Variants in PTPRT observed in about 807,000 individuals in gnomAD.
PTPRT encodes protein tyrosine phosphatase receptor type T.
In PTPRT, 56 loss-of-function variants were observed where a neutral mutation model predicts 176.8. That is an observed-to-expected ratio of 0.32 (90% confidence interval 0.26 to 0.40). PTPRT has a LOEUF of 0.40. Ranked by LOEUF, PTPRT falls within the 10% of genes least tolerant of loss-of-function variation. PTPRT has a pLI of 1.00. For synonymous variants in PTPRT, 783 were observed against 739.0 expected (o/e 1.06, Z -0.96); for missense variants, 1,540 against 1,908.2 (o/e 0.81, Z 3.60).
intron 1 of PTPRT, among the ~76,000 whole-genome samples, chr20:43,045,817 A>G (rs1337305302): frequency 1.3e-5 from 2 of 152,018 alleles, no homozygotes; most frequent in Non-Finnish European, 1.5e-5. Flanking sequence ...CACGCATAAG[A>G]ATACAAATAA....
chr20:42,336,855 A>G (rs1447380386), intron 11 of PTPRT, among the ~76,000 whole-genome samples: 1 of 152,222 alleles, frequency 6.6e-6, no homozygotes, highest in East Asian at 1.9e-4. Flanking sequence ...ACACACACAT[A>G]CAAAGTCCCT....
At chr20:42,282,631 G>A (rs1290398727) in intron 12 of PTPRT, 106 bp from the exon 13 acceptor site, 9 of 827,016 alleles carry the variant, frequency 1.1e-5, no homozygotes, top group East Asian at 3.0e-5. Context: ...TCATGCATAT[G>A]TATTTTTAAT....
At chr20:42,292,509 C>T (rs1573706) in intron 12 of PTPRT, among the ~76,000 whole-genome samples, 26,585 of 151,842 alleles carry the variant, frequency 0.18, 2,378 homozygotes, top group East Asian at 0.24. Flanking sequence ...GAGGTGGATA[C>T]GACAATGTCC....
chr20:42,898,093 TC>T (rs2079335298), intron 1 of PTPRT, among the ~76,000 whole-genome samples: 1 of 152,196 alleles, frequency 6.6e-6, no homozygotes, highest in Non-Finnish European at 1.5e-5. Flanking sequence ...GCATGGGAAA[TC>T]CCAGCTTCTG....
chr20:43,146,078 A>C (rs780960015), intron 1 of PTPRT, among the ~76,000 whole-genome samples: 16 of 152,180 alleles, frequency 1.1e-4, no homozygotes, highest in Non-Finnish European at 1.9e-4. Flanking sequence ...ACTCTCAGCG[A>C]ATGAGCATAT....
chr20:42,886,719 C>T (rs898161538), intron 1 of PTPRT, among the ~76,000 whole-genome samples: 3 of 152,210 alleles, frequency 2.0e-5, no homozygotes, highest in African/African-American at 4.8e-5. Flanking sequence ...ACTGAGCATA[C>T]GCTCTGAGCT....
At chr20:42,504,951 T>C (rs2071818324) in intron 7 of PTPRT, among the ~76,000 whole-genome samples, 1 of 152,158 alleles carries the variant, frequency 6.6e-6, no homozygotes, top group Non-Finnish European at 1.5e-5. Flanking sequence ...AATTTATGCA[T>C]GCAAATAGCC....
At chr20:42,181,266 T>C (rs1024063832) in intron 16 of PTPRT, among the ~76,000 whole-genome samples, 5 of 152,126 alleles carry the variant, frequency 3.3e-5, no homozygotes, top group African/African-American at 1.2e-4. Context: ...CCTAGAGCCC[T>C]CTGGAGGAGA....
chr20:42,162,018 T>C (rs1989624446), intron 16 of PTPRT, among the ~76,000 whole-genome samples: 2 of 152,190 alleles, frequency 1.3e-5, no homozygotes, highest in African/African-American at 4.8e-5. Flanking sequence ...CCTGCATGGC[T>C]GTGACCTGGC....
At chr20:42,960,523 A>G (rs1981927463) in intron 1 of PTPRT, among the ~76,000 whole-genome samples, 1 of 152,186 alleles carries the variant, frequency 6.6e-6, no homozygotes, top group Admixed American at 6.5e-5. Context: ...ATGAATTTTC[A>G]AGGGATACAA....
At chr20:43,020,038 C>T (rs1301825548) in intron 1 of PTPRT, among the ~76,000 whole-genome samples, 1 of 151,254 alleles carries the variant, frequency 6.6e-6, no homozygotes, top group Non-Finnish European at 1.5e-5. Flanking sequence ...TGAGTGAATT[C>T]CCCTAACAAA....
chr20:43,048,514 T>C (rs1188013850), intron 1 of PTPRT, among the ~76,000 whole-genome samples: 1 of 151,274 alleles, frequency 6.6e-6, no homozygotes, highest in Admixed American at 6.6e-5. Context: ...TAGAAAGATG[T>C]TTGATAGACA....
At chr20:42,711,691 T>C (rs2076146489) in intron 6 of PTPRT, among the ~76,000 whole-genome samples, 1 of 152,112 alleles carries the variant, frequency 6.6e-6, no homozygotes, top group South Asian at 2.1e-4. Context: ...TTGGATCCCA[T>C]GTATAGAGTA....
chr20:42,270,368 TCCCA>T, intron 13 of PTPRT: 1 of 785,424 alleles, frequency 1.3e-6, no homozygotes, highest in Non-Finnish European at 2.0e-6. Context: ...AACTCTCCCC[TCCCA>T]CCCGCCCAGG....
chr20:42,441,724 C>A (rs2059317811), intron 9 of PTPRT, among the ~76,000 whole-genome samples: 1 of 152,186 alleles, frequency 6.6e-6, no homozygotes, highest in Admixed American at 6.5e-5. Flanking sequence ...GAGAAATAAT[C>A]AAACTTTCTG....
chr20:42,132,305 G>A (rs1034317468), intron 18 of PTPRT, among the ~76,000 whole-genome samples: 1 of 152,130 alleles, frequency 6.6e-6, no homozygotes, highest in African/African-American at 2.4e-5. Context: ...TAGCAAAATG[G>A]AGCCAATACT....
chr20:42,772,756 T>G (rs1019818036), intron 4 of PTPRT, among the ~76,000 whole-genome samples: 4 of 152,232 alleles, frequency 2.6e-5, no homozygotes, highest in African/African-American at 7.2e-5. Context: ...GCTTTGGCCA[T>G]CTTTCTACAA....
chr20:42,435,908 C>T (rs6030234), intron 9 of PTPRT, among the ~76,000 whole-genome samples: 55,011 of 151,902 alleles, frequency 0.36, 10,706 homozygotes, highest in African/African-American at 0.51. Flanking sequence ...TGCATGGTTA[C>T]AGTGCATGGA....
chr20:42,894,144 A>G (rs1344534863), intron 1 of PTPRT, among the ~76,000 whole-genome samples: 4 of 152,206 alleles, frequency 2.6e-5, no homozygotes, highest in Non-Finnish European at 5.9e-5. Context: ...AGGAAGCGCC[A>G]TAAGGCCACC....
Sources: gnomAD v4.1 joint callset for allele counts (sites outside exome capture counted in the v4.1 genomes callset) on GRCh38, gnomAD v4.1.1 for gene constraint, MANE v1.5 for transcripts, NCBI Gene and HGNC (gene_info 2026-07-23, HGNC 2026-07-21) for gene names.